SUGCT: variants seen among roughly 807,000 people sequenced by gnomAD.
The protein encoded by SUGCT is succinyl-CoA:glutarate-CoA transferase.
SUGCT carries 41 observed loss-of-function variants against 55.0 expected under a neutral mutation model. The ratio of observed to expected loss-of-function variants is 0.74; its 90% confidence interval spans 0.58 to 0.97. The LOEUF is 0.97. Ranked by LOEUF, SUGCT falls within the 50% of genes least tolerant of loss-of-function variation. SUGCT has a pLI of 0.00. For synonymous variants in SUGCT, 187 were observed against 200.4 expected (o/e 0.93, Z 0.56); for missense variants, 568 against 547.8 (o/e 1.04, Z -0.37).
chr7:40,591,298 G>A (rs916554569), intron 12 of SUGCT, among the ~76,000 whole-genome samples: 2 of 152,198 alleles, frequency 1.3e-5, no homozygotes, highest in Non-Finnish European at 2.9e-5. Flanking sequence ...TGCAGATGTG[G>A]TGGAAATAAC....
the SUGCT span, among the ~76,000 whole-genome samples, chr7:40,971,074 G>A: frequency 1.3e-5 from 2 of 152,156 alleles, no homozygotes; most frequent in African/African-American, 4.8e-5. Flanking sequence ...ATTGGCTCAC[G>A]GCTCTGCAGG....
At chr7:40,487,657 C>G (rs1791456595) in intron 11 of SUGCT, among the ~76,000 whole-genome samples, 2 of 152,006 alleles carry the variant, frequency 1.3e-5, no homozygotes, top group Admixed American at 1.3e-4. Flanking sequence ...CCTTTTAGAA[C>G]TATTCATATT....
the SUGCT span, among the ~76,000 whole-genome samples, chr7:40,947,772 C>T: frequency 5.1e-3 from 779 of 152,244 alleles, 5 homozygotes; most frequent in African/African-American, 0.018. Flanking sequence ...AAGACATTTC[C>T]TTAAATGCTT....
intron 13 of SUGCT, among the ~76,000 whole-genome samples, chr7:40,823,806 G>A (rs1213658138): frequency 6.6e-6 from 1 of 152,094 alleles, no homozygotes; most frequent in South Asian, 2.1e-4. Context: ...GATTCAAATA[G>A]CGACAGACTT....
At chr7:40,153,040 A>G (rs1267617164) in intron 1 of SUGCT, 1 of 192,366 alleles carries the variant, frequency 5.2e-6, no homozygotes, top group African/African-American at 2.4e-5. Flanking sequence ...ACAAACAAAC[A>G]AAAACAAAGC....
intron 9 of SUGCT, among the ~76,000 whole-genome samples, chr7:40,335,846 C>T (rs569456992): frequency 9.9e-5 from 15 of 152,264 alleles, no homozygotes; most frequent in South Asian, 2.1e-4. Flanking sequence ...GGCAATGCTT[C>T]CAGTTTATGC....
At chr7:40,180,473 C>G (rs1284755925) in intron 1 of SUGCT, among the ~76,000 whole-genome samples, 1 of 151,676 alleles carries the variant, frequency 6.6e-6, no homozygotes, top group Admixed American at 6.6e-5. Flanking sequence ...GACAGAATGC[C>G]TACTGTATGA....
intron 12 of SUGCT, among the ~76,000 whole-genome samples, chr7:40,626,592 C>T (rs1312148634): frequency 1.3e-5 from 2 of 152,098 alleles, no homozygotes; most frequent in African/African-American, 4.8e-5. Context: ...TAGCTATTTT[C>T]AGCTTTCTCC....
the SUGCT span, among the ~76,000 whole-genome samples, chr7:41,004,071 G>A: frequency 3.3e-5 from 5 of 152,064 alleles, no homozygotes; most frequent in Non-Finnish European, 7.4e-5. Flanking sequence ...TTCCTGGATC[G>A]CCCCACTAAG....
the SUGCT span, among the ~76,000 whole-genome samples, chr7:41,032,123 G>A: frequency 6.6e-6 from 1 of 152,142 alleles, no homozygotes; most frequent in South Asian, 2.1e-4. Context: ...CACCACAGCT[G>A]TAAGGGCTGT....
the SUGCT span, among the ~76,000 whole-genome samples, chr7:41,036,460 C>A: frequency 2.6e-5 from 4 of 152,202 alleles, no homozygotes; most frequent in South Asian, 8.3e-4. Context: ...TCTGTATGAG[C>A]TCTTGGCAGC....
rs532328046 is a variant in SUGCT at position 40,413,093 on chromosome 7, A to G, written c.817-36194A>G. Among the ~76,000 whole-genome samples the G allele has an allele frequency of 3.3e-5, 5 of 152,230 alleles. No homozygotes were observed. In the South Asian group the frequency reaches 6.2e-4, roughly 19 times the overall value. On this transcript the variant is annotated intron_variant, in intron 9 of 13. Transcript: ENST00000335693. The stretch of plus-strand genomic sequence containing the variant: ...GATGGTTTGTTTCTGTATCTCCTCA[A>G]TATTCTCTTGTACAGTAGTATTCTC...
chr7:40,970,590 A>T, the SUGCT span, among the ~76,000 whole-genome samples: 1 of 152,232 alleles, frequency 6.6e-6, no homozygotes, highest in African/African-American at 2.4e-5. Context: ...TCCTGACCTC[A>T]TGTGTTCACG....
At chr7:40,414,669 G>A (rs1786872111) in intron 9 of SUGCT, among the ~76,000 whole-genome samples, 1 of 151,680 alleles carries the variant, frequency 6.6e-6, no homozygotes, top group Admixed American at 6.6e-5. Flanking sequence ...CACTTTGGGA[G>A]GCCAGGGCGG....
chr7:40,652,150 A>C (rs151012204), intron 12 of SUGCT, among the ~76,000 whole-genome samples: 237 of 152,162 alleles, frequency 1.6e-3, no homozygotes, highest in African/African-American at 5.1e-3. Flanking sequence ...CATTTTCTCC[A>C]TGTTGGTTTT....
At chr7:40,249,317 A>ATATCTATATATATATATCTATC (rs1562611996) in intron 7 of SUGCT, among the ~76,000 whole-genome samples, 41 of 21,514 alleles carry the variant, frequency 1.9e-3, no homozygotes, top group Admixed American at 3.9e-3. Context: ...AAAAAGCTAT[A>ATATCTATATATATATATCTATC]TATATATATA....
chr7:40,387,104 T>C (rs1243917629), intron 9 of SUGCT, among the ~76,000 whole-genome samples: 1 of 152,150 alleles, frequency 6.6e-6, no homozygotes, highest in African/African-American at 2.4e-5. Flanking sequence ...CTGGCTCTCT[T>C]CTCAGGAGGT....
At chr7:40,571,344 T>C (rs530784900) in intron 12 of SUGCT, among the ~76,000 whole-genome samples, 46 of 152,344 alleles carry the variant, frequency 3.0e-4, no homozygotes, top group Non-Finnish European at 5.6e-4. Context: ...TGATTATAGA[T>C]CACTTATTCT....
intron 12 of SUGCT, chr7:40,546,846 T>A (rs1795019713): frequency 6.6e-6 from 1 of 152,258 alleles, no homozygotes; most frequent in Non-Finnish European, 1.5e-5. Flanking sequence ...TGCAGTATCT[T>A]TCTGGCTCCA....
Sources: allele counts gnomAD v4.1 joint callset (sites outside exome capture counted in the v4.1 genomes callset), GRCh38; gene constraint gnomAD v4.1.1; transcripts MANE v1.5; gene names NCBI Gene and HGNC (gene_info 2026-07-23, HGNC 2026-07-21).